The following DMD variants were observed in gnomAD, a reference collection of about 807,000 sequenced individuals.
The protein encoded by DMD is dystrophin, also known as mutant dystrophin.
DMD carries 63 observed loss-of-function variants against 330.1 expected under a neutral mutation model. The ratio of observed to expected loss-of-function variants is 0.19; its 90% CI spans 0.16 to 0.24. DMD has a LOEUF of 0.24. Ranked by LOEUF, DMD falls within the 10% of genes least tolerant of loss-of-function variation. The pLI is 1.00. For synonymous variants in DMD, 1,223 were observed against 959.8 expected (o/e 1.27, Z -5.07); for missense variants, 3,344 against 2,684.1 (o/e 1.25, Z -5.43).
chrX:31,676,695 T>G (rs1004948620), intron 53 of DMD, among the ~76,000 whole-genome samples: 1 of 112,072 alleles, frequency 8.9e-6, no homozygotes, highest in East Asian at 2.8e-4. Flanking sequence ...AAAAGAAGAT[T>G]CTGAACTTCT....
chrX:32,227,356 C>T (rs1312993087), intron 43 of DMD, among the ~76,000 whole-genome samples: 1 of 93,186 alleles, frequency 1.1e-5, no homozygotes, highest in Admixed American at 1.2e-4. Flanking sequence ...ATTTCATATA[C>T]ACAATGAAAA....
intron 5 of DMD, among the ~76,000 whole-genome samples, chrX:32,817,928 TCA>T (rs2077898213): frequency 8.9e-6 from 1 of 112,249 alleles, no homozygotes; most frequent in Admixed American, 9.5e-5. Flanking sequence ...CATGTATCTG[TCA>T]CAATCCCTTG....
At chrX:31,935,608 C>G (rs963373094) in intron 45 of DMD, among the ~76,000 whole-genome samples, 1 of 111,437 alleles carries the variant, frequency 9.0e-6, no homozygotes, top group African/African-American at 3.3e-5. Flanking sequence ...AAATCATTGC[C>G]TCCATTACTA....
Position 32,990,600 on chromosome X carries a change from T to C in DMD, c.93+29539A>G, listed in dbSNP as rs780442739. 3.6e-5 allele frequency among the ~76,000 whole-genome samples: 4 copies of C among 111,926 alleles called. No individual in the cohort carries two copies. The East Asian group carries it at 1.1e-3, about 32-fold the overall frequency. The stretch of plus-strand genomic sequence containing the variant: ...TATGCTGTCACTGTAAGTAGCATTA[T>C]TTTAGAAAATAAACCCCTAAACCTT... On this transcript the variant is annotated intron_variant, in intron 2 of 78. Transcript: ENST00000357033.
At chrX:31,778,832 G>T (rs755550973) in intron 50 of DMD, among the ~76,000 whole-genome samples, 13 of 111,334 alleles carry the variant, frequency 1.2e-4, no homozygotes, top group African/African-American at 3.6e-4. Flanking sequence ...GCCTCCCAAA[G>T]TGCTGGGATT....
rs145994908 is a variant in DMD at position 31,666,534 on chromosome X, C to G, written c.7873-8390G>C. ...GACTGACATACCTATTCAGATATGA[C>G]CTTATTTCACATAGAGTAGGGCAAT... On this transcript the variant is annotated intron_variant, in intron 53 of 78. Coordinates refer to ENST00000357033, the MANE Select transcript of DMD (RefSeq NM_004006.3). 3.2e-3 allele frequency among the ~76,000 whole-genome samples: 355 copies of G among 112,182 alleles called. 3 individuals are homozygous for G. The highest frequency in any genetic ancestry group is 0.011 in the African/African-American group (330 of 30,919).
At chrX:33,058,432 A>G (rs1184840131) in intron 1 of DMD, among the ~76,000 whole-genome samples, 2 of 107,128 alleles carry the variant, frequency 1.9e-5, no homozygotes, top group Admixed American at 2.1e-4. Context: ...CTACAGGTGC[A>G]TGCCACCATG....
intron 47 of DMD, among the ~76,000 whole-genome samples, chrX:31,895,502 C>A (rs1174700677): frequency 1.8e-5 from 2 of 111,650 alleles, no homozygotes; most frequent in Non-Finnish European, 3.8e-5. Flanking sequence ...TTCTTGGGAT[C>A]CTAGTTATGA....
intron 2 of DMD, among the ~76,000 whole-genome samples, chrX:32,876,725 G>A (rs1277748415): frequency 1.8e-5 from 2 of 111,334 alleles, no homozygotes; most frequent in Non-Finnish European, 3.8e-5. Context: ...ATTGTCTATT[G>A]CACATAGTGA....
chrX:32,161,738 G>A (rs2096850009), intron 44 of DMD, among the ~76,000 whole-genome samples: 1 of 111,806 alleles, frequency 8.9e-6, no homozygotes, highest in South Asian at 3.7e-4. Context: ...AAGAGGATGT[G>A]TATTATGTTC....
chrX:32,581,769 T>C (rs956392884), intron 13 of DMD, among the ~76,000 whole-genome samples: 1 of 111,408 alleles, frequency 9.0e-6, no homozygotes, highest in Non-Finnish European at 1.9e-5. Context: ...GAAAGGAAAA[T>C]AACAGGCCAA....
intron 12 of DMD, 38 bp downstream of exon 12, chrX:32,614,265 C>A (rs1005048163): frequency 1.7e-6 from 2 of 1,198,257 alleles, no homozygotes; most frequent in African/African-American, 3.5e-5. Context: ...ACAGAGTTTG[C>A]TTTCTAGTAG....
At chrX:32,796,847 T>TA (rs1303168458) in intron 7 of DMD, among the ~76,000 whole-genome samples, 1 of 112,130 alleles carries the variant, frequency 8.9e-6, no homozygotes, top group South Asian at 3.7e-4. Flanking sequence ...CTGCAAGGAA[T>TA]AAATCCTATT....
intron 7 of DMD, among the ~76,000 whole-genome samples, chrX:32,728,655 TATTA>T (rs993852586): frequency 2.7e-5 from 3 of 112,415 alleles, no homozygotes; most frequent in African/African-American, 6.5e-5. Context: ...ATAGTTATGG[TATTA>T]ATTGATATTA....
intron 2 of DMD, among the ~76,000 whole-genome samples, chrX:32,988,591 T>A (rs2092905626): frequency 8.9e-6 from 1 of 112,147 alleles, no homozygotes; most frequent in South Asian, 3.6e-4. Context: ...ATTTTATAGT[T>A]TGGATAGTTT....
At chrX:31,304,714 C>T (rs1350754212) in intron 62 of DMD, among the ~76,000 whole-genome samples, 1 of 110,281 alleles carries the variant, frequency 9.1e-6, no homozygotes, top group Non-Finnish European at 1.9e-5. Flanking sequence ...ATACATTTGC[C>T]TTTTGCAAAA....
intron 44 of DMD, among the ~76,000 whole-genome samples, chrX:32,150,898 C>T (rs770006051): frequency 3.3e-4 from 37 of 110,924 alleles, no homozygotes; most frequent in Non-Finnish European, 6.6e-4. Context: ...TCCAAACTAC[C>T]GTGCTGCTAC....
chrX:32,255,112 T>C (rs1198236404), intron 43 of DMD, among the ~76,000 whole-genome samples: 1 of 112,001 alleles, frequency 8.9e-6, no homozygotes, highest in Non-Finnish European at 1.9e-5. Flanking sequence ...TGACAGAATT[T>C]CATTCCTTTT....
chrX:32,728,987 G>C (rs1473663648), intron 7 of DMD, among the ~76,000 whole-genome samples: 1 of 111,787 alleles, frequency 8.9e-6, no homozygotes, highest in African/African-American at 3.3e-5. Flanking sequence ...AAAGGTGCTA[G>C]GGCGCAATTA....
Sources: gnomAD v4.1 joint callset for allele counts (sites outside exome capture counted in the v4.1 genomes callset) on GRCh38, gnomAD v4.1.1 for gene constraint, MANE v1.5 for transcripts, NCBI Gene and HGNC (gene_info 2026-07-23, HGNC 2026-07-21) for gene names.